Variants in PARD3 observed in about 807,000 individuals in gnomAD.
PARD3 encodes par-3 family cell polarity regulator, also known as partitioning defective 3 homolog.
PARD3 carries 75 observed loss-of-function variants against 155.4 expected under a neutral mutation model. The ratio of observed to expected loss-of-function variants is 0.48; its 90% CI spans 0.40 to 0.58. The LOEUF is 0.58. Among genes scored for constraint, PARD3 ranks in the 20% least tolerant of loss-of-function variants. The pLI, the probability that PARD3 is intolerant of heterozygous loss-of-function variation, is 0.00. For missense variants in PARD3, 1,642 were observed against 1,721.7 expected (o/e 0.95, Z 0.82); for synonymous variants, 576 against 610.5 (o/e 0.94, Z 0.83).
intron 15 of PARD3, chr10:34,346,590 C>A: frequency 2.8e-6 from 3 of 1,053,654 alleles, no homozygotes; most frequent in Non-Finnish European, 2.5e-6. Flanking sequence ...TATACCAAAG[C>A]CAAGAAAGTA....
intron 2 of PARD3, among the ~76,000 whole-genome samples, chr10:34,652,692 C>G (rs1021665560): frequency 6.6e-6 from 1 of 152,166 alleles, no homozygotes; most frequent in Non-Finnish European, 1.5e-5. Flanking sequence ...ACTGCCCTCT[C>G]GCAGTGTGCT....
At chr10:34,551,619 T>A (rs1205484831) in intron 2 of PARD3, among the ~76,000 whole-genome samples, 3 of 152,060 alleles carry the variant, frequency 2.0e-5, no homozygotes, top group Non-Finnish European at 4.4e-5. Context: ...GCGAGAAGAA[T>A]CCAGGCAGGG....
chr10:34,797,644 C>G (rs1241199422), intron 1 of PARD3, among the ~76,000 whole-genome samples: 5 of 152,190 alleles, frequency 3.3e-5, no homozygotes, highest in Admixed American at 6.5e-5. Flanking sequence ...TTACCCAAAA[C>G]CAAATACCAT....
chr10:34,114,958 C>T (rs755763932), intron 24 of PARD3, among the ~76,000 whole-genome samples: 2 of 152,212 alleles, frequency 1.3e-5, no homozygotes, highest in Non-Finnish European at 2.9e-5. Context: ...GCACTTACCA[C>T]GTACCATGGT....
chr10:34,783,397 G>A (rs534775372), intron 1 of PARD3, among the ~76,000 whole-genome samples: 1 of 151,782 alleles, frequency 6.6e-6, no homozygotes, highest in African/African-American at 2.4e-5. Context: ...AAGGTCAGGA[G>A]ATCGAGACCA....
intron 22 of PARD3, among the ~76,000 whole-genome samples, chr10:34,191,936 C>A (rs1950729825): frequency 6.6e-6 from 1 of 152,200 alleles, no homozygotes; most frequent in Non-Finnish European, 1.5e-5. Flanking sequence ...TATAGGCTTA[C>A]AGGCTAAAAC....
At position 34,336,422 on chromosome 10, in the gene PARD3, C is replaced by T. The variant is rs1031439283; in HGVS notation, c.2561-179G>A. ...AAGGAGGAAAAAAAAGCAGTGTCTCCATGCAATATGCCAGTCATTTCATTT... is the reference window on the plus strand; with the variant it reads ...AAGGAGGAAAAAAAAGCAGTGTCTCTATGCAATATGCCAGTCATTTCATTT... On this transcript the variant is annotated intron_variant, in intron 17 of 24. Transcript: ENST00000374788. 6 of 553,514 alleles carry T rather than the reference C, an allele frequency of 1.1e-5. No homozygotes were observed. The African/African-American group carries it at 1.2e-4, about 11-fold the overall frequency. 34.3% of individuals were successfully genotyped at this position (553,514 alleles called of 1,614,324 possible).
chr10:34,161,262 A>AAG (rs1332329967), intron 22 of PARD3, among the ~76,000 whole-genome samples: 1 of 151,218 alleles, frequency 6.6e-6, no homozygotes, highest in African/African-American at 2.4e-5. Context: ...AAAAAAAAAG[A>AAG]AGAGAATCGA....
intron 22 of PARD3, among the ~76,000 whole-genome samples, chr10:34,238,663 A>G (rs1207906963): frequency 6.6e-6 from 1 of 152,238 alleles, no homozygotes; most frequent in Non-Finnish European, 1.5e-5. Flanking sequence ...AGTGCTGAAC[A>G]CTTTAAAATC....
chr10:34,653,871 A>C (rs1273557318), intron 2 of PARD3, among the ~76,000 whole-genome samples: 2 of 152,012 alleles, frequency 1.3e-5, no homozygotes, highest in African/African-American at 4.8e-5. Flanking sequence ...AGATAGCCTC[A>C]GCATGTCCAC....
intron 3 of PARD3, 113 bp downstream of exon 3, chr10:34,516,866 T>C: frequency 9.3e-7 from 1 of 1,073,610 alleles, no homozygotes. Context: ...CTAAACTTAA[T>C]TTTTGAATAA....
intron 4 of PARD3, among the ~76,000 whole-genome samples, chr10:34,458,942 T>C (rs1040996944): frequency 2.6e-5 from 4 of 152,112 alleles, no homozygotes; most frequent in African/African-American, 7.2e-5. Flanking sequence ...CCTATACTCC[T>C]TAAAACAAGA....
At chr10:34,812,059 A>T (rs1180793245) in intron 1 of PARD3, among the ~76,000 whole-genome samples, 2 of 152,224 alleles carry the variant, frequency 1.3e-5, no homozygotes, top group African/African-American at 4.8e-5. Context: ...ATAAGCCTTC[A>T]AATATCTACT....
Position 34,331,202 on chromosome 10 carries a change from C to G in PARD3, c.2748G>C (p.Arg916Ser). ...CAGCTCTGAAGCTCTCATTGCATCC[C>G]CTGCCTCTGATTATCCGCGGCCGTG... Reference protein sequence around the residue: ...HRPRPRIIRGRGCNESFRAAI... With the variant: ...HRPRPRIIRGSGCNESFRAAI... The change falls in exon 19 of 25, where the codon AGG becomes AGC. Residue 916 changes from arginine (R) to serine (S), a missense_variant. Physicochemically the swap from Arg to Ser is moderately radical, Grantham distance 110 (BLOSUM62 -1). Transcript: ENST00000374788. 1 of 1,614,010 alleles carries G rather than the reference C, an allele frequency of 6.2e-7. No homozygotes were observed. Among genetic ancestry groups the G allele is most frequent in the Non-Finnish European group, 8.5e-7 (1 of 1,179,990 alleles).
chr10:34,565,514 G>A (rs890625961), intron 2 of PARD3, among the ~76,000 whole-genome samples: 1 of 151,926 alleles, frequency 6.6e-6, no homozygotes, highest in African/African-American at 2.4e-5. Flanking sequence ...TGATCCGCCC[G>A]CCTCGGCCTC....
chr10:34,672,900 C>T lies in PARD3; in HGVS notation c.222+23418G>A, dbSNP rs2476999. ...TAAGGGATGTGGAATACGGGTAAAACTTAAAGACCTTGTCTTGCTTGATTC... is the reference window on the plus strand; with the variant it reads ...TAAGGGATGTGGAATACGGGTAAAATTTAAAGACCTTGTCTTGCTTGATTC... On this transcript the variant is annotated intron_variant, in intron 2 of 24. Transcript: ENST00000374788. 3.9e-3 allele frequency among the ~76,000 whole-genome samples: 595 copies of T among 152,294 alleles called. 5 individuals are homozygous for T. The highest frequency in any genetic ancestry group is 0.014 in the African/African-American group (573 of 41,554).
intron 2 of PARD3, among the ~76,000 whole-genome samples, chr10:34,547,524 T>G (rs1213151266): frequency 6.6e-6 from 1 of 152,200 alleles, no homozygotes; most frequent in Non-Finnish European, 1.5e-5. Flanking sequence ...TTACGTTGAG[T>G]TATACAGCTC....
intron 4 of PARD3, among the ~76,000 whole-genome samples, chr10:34,467,510 C>T (rs186998816): frequency 1.4e-4 from 22 of 152,070 alleles, no homozygotes; most frequent in African/African-American, 2.7e-4. Context: ...GCCTTTGGGA[C>T]GCTGAGATGG....
At chr10:34,387,690 G>A (rs1842487416) in intron 7 of PARD3, among the ~76,000 whole-genome samples, 1 of 152,200 alleles carries the variant, frequency 6.6e-6, no homozygotes, top group South Asian at 2.1e-4. Flanking sequence ...TTGAGCCACT[G>A]TGCCAGCTGA....
Sources: gnomAD v4.1 joint callset for allele counts (sites outside exome capture counted in the v4.1 genomes callset) on GRCh38, gnomAD v4.1.1 for gene constraint, MANE v1.5 for transcripts, NCBI Gene and HGNC (gene_info 2026-07-23, HGNC 2026-07-21) for gene names.